The following DNAAF8 variants were observed in gnomAD, a reference collection of about 807,000 sequenced individuals.
The protein encoded by DNAAF8 is dynein axonemal-associated protein 1.
Under a neutral mutation model 54.6 loss-of-function variants are expected in DNAAF8, and 61 were observed. That is an observed-to-expected ratio of 1.12 (90% CI 0.91 to 1.38). The LOEUF (loss-of-function observed/expected upper bound fraction) is 1.38, where lower values mean the gene tolerates loss of function less well. Ranked by LOEUF, DNAAF8 falls within the 40% of genes most tolerant of loss-of-function variation. DNAAF8 has a pLI of 0.00. For missense variants in DNAAF8, 837 were observed against 665.0 expected (o/e 1.26, Z -2.85); for synonymous variants, 320 against 270.1 (o/e 1.18, Z -1.81).
intron 3 of DNAAF8, among the ~76,000 whole-genome samples, chr16:4,739,265 G>GTTATTTTTTTTTTTTTTTTTTTTTTT (rs2081931435): frequency 1.4e-5 from 1 of 69,030 alleles, no homozygotes; most frequent in East Asian, 5.6e-4. Flanking sequence ...ATTTTTTCTT[G>GTTATTTTTTTTTTTTTTTTTTTTTTT]TTTTTTTTTT....
Position 4,734,657 on chromosome 16 carries a change from G to C in DNAAF8, c.-93G>C, listed in dbSNP as rs1386385364. ...AGTGACGCGCTGGAGGCTGTTTATA[G>C]CGCTGTCAGGACAGCGCGGGGAGTG... On this transcript the variant is annotated 5_prime_UTR_variant, in exon 1 of 10. Coordinates refer to ENST00000299320, the MANE Select transcript of DNAAF8 (RefSeq NM_139170.3). 1 of 152,318 alleles carries C rather than the reference G, an allele frequency of 6.6e-6. No individual in the cohort carries two copies. Among genetic ancestry groups the C allele is most frequent in the African/African-American group, 2.4e-5 (1 of 41,448 alleles). The allele number at this position is 152,318 out of a possible 1,614,324, so 9.4% of individuals were successfully genotyped here.
At chr16:4,741,729 A>G (rs770635966) in intron 4 of DNAAF8, among the ~76,000 whole-genome samples, 4 of 151,748 alleles carry the variant, frequency 2.6e-5, no homozygotes, top group African/African-American at 4.8e-5. Context: ...AACCCAGGAG[A>G]TGGGGATCAC....
intron 3 of DNAAF8, among the ~76,000 whole-genome samples, chr16:4,739,265 G>GTTTTTTTTTTTTTTTTTTTTGT (rs2081932331): frequency 1.4e-5 from 1 of 69,030 alleles, no homozygotes; most frequent in Admixed American, 2.3e-4. Flanking sequence ...ATTTTTTCTT[G>GTTTTTTTTTTTTTTTTTTTTGT]TTTTTTTTTT....
At chr16:4,743,586 C>G (rs11865675) in intron 5 of DNAAF8, 6,911 of 159,570 alleles carry the variant, frequency 0.043, 524 homozygotes, top group African/African-American at 0.16. Context: ...GATGTCACCA[C>G]TGTCACTACA....
chr16:4,744,364 C>A (rs1472504645), intron 5 of DNAAF8, among the ~76,000 whole-genome samples: 2 of 152,162 alleles, frequency 1.3e-5, no homozygotes, highest in Non-Finnish European at 2.9e-5. Flanking sequence ...GTTTAAAAAT[C>A]TGAAAAGCTG....
rs2081950430 is a variant in DNAAF8, at chr16:4,740,583, A to C, written c.707A>C (p.His236Pro). 6.2e-7 allele frequency: 1 copy of C among 1,613,396 alleles called. No homozygotes were observed. Among genetic ancestry groups the C allele is most frequent in the Non-Finnish European group, 8.5e-7 (1 of 1,180,008 alleles). Residue 236 changes from histidine (H) to proline (P), a missense_variant, in exon 4 of 10, where the codon CAC (histidine) becomes CCC (proline). Coordinates refer to ENST00000299320, the MANE Select transcript of DNAAF8 (RefSeq NM_139170.3). ...DKGGVKEAPC[H>P]AAESAPRSKM... is the part of the protein sequence containing the mutation. ...GGTGGGGTGAAGGAGGCGCCCTGCC[A>C]CGCTGCGGAGTCAGCTCCCAGATCC...
intron 5 of DNAAF8, 131 bp downstream of exon 5, chr16:4,743,291 G>A (rs954901195): frequency 1.9e-5 from 12 of 621,706 alleles, no homozygotes; most frequent in East Asian, 9.1e-5. Flanking sequence ...TGCTGGCCCC[G>A]CCCTAAACAC....
intron 4 of DNAAF8, among the ~76,000 whole-genome samples, chr16:4,740,977 C>T (rs1053267494): frequency 2.0e-4 from 30 of 151,520 alleles, no homozygotes; most frequent in African/African-American, 6.8e-4. Flanking sequence ...AGTTCAAGAC[C>T]ATCCTGGTCA....
In DNAAF8 at chr16:4,740,200, G is replaced by GAACA; in HGVS notation, c.325_328dup (p.Thr110LysfsTer20). 1 of 1,614,026 alleles carries GAACA rather than the reference G, an allele frequency of 6.2e-7. No homozygotes were observed. Among genetic ancestry groups the GAACA allele is most frequent in the Non-Finnish European group, 8.5e-7 (1 of 1,179,936 alleles). ...TGGCCACAGAACCTGGGTGCAGACA[G>GAACA]AACACAAGGACAAAGGATGCATCCT... is the stretch of plus-strand genomic sequence containing the variant. On this transcript the variant is annotated frameshift_variant, in exon 4 of 10. Coordinates refer to ENST00000299320, the MANE Select transcript of DNAAF8 (RefSeq NM_139170.3). LOFTEE classifies it high-confidence loss of function.
chr16:4,738,690 C>T (rs1403110668), intron 3 of DNAAF8, among the ~76,000 whole-genome samples: 1 of 152,172 alleles, frequency 6.6e-6, no homozygotes, highest in Non-Finnish European at 1.5e-5. Flanking sequence ...TGAGACCAGC[C>T]TGGCCAACAT....
intron 5 of DNAAF8, chr16:4,743,370 G>A (rs928517201): frequency 1.5e-5 from 7 of 464,716 alleles, no homozygotes; most frequent in African/African-American, 4.2e-5. Context: ...CGTGCCAGGC[G>A]TGGGCCAGGT....
Position 4,740,665 on chromosome 16 carries a change from C to T in DNAAF8, c.783+6C>T, listed in dbSNP as rs774061434. On this transcript the variant is annotated splice_donor_region_variant and intron_variant, in intron 4 of 9. Coordinates refer to ENST00000299320, the MANE Select transcript of DNAAF8 (RefSeq NM_139170.3). The stretch of plus-strand genomic sequence containing the variant: ...CACCAGTGCTCTCGCTCCAGGTAGG[C>T]GCCTCCCCGTGCCTGGCTGTTTCTC... 17 of 1,579,100 alleles carry T rather than the reference C, an allele frequency of 1.1e-5. No homozygotes were observed. Among genetic ancestry groups the T allele is most frequent in the Middle Eastern group, 1.8e-4 (1 of 5,664 alleles).
Position 4,746,919 on chromosome 16 carries a change from C to T in DNAAF8, c.1182-8C>T, listed in dbSNP as rs957233364. The T allele has an allele frequency of 3.9e-6, 6 of 1,544,678 alleles. No homozygotes were observed. Among genetic ancestry groups the T allele is most frequent in the African/African-American group, 1.4e-5 (1 of 71,936 alleles). ...GGCACATCCAGAAACCCATTTCTCT[C>T]CCTGCAGCTCCAGCCACAGCTCCTC... On this transcript the variant is annotated splice_region_variant and splice_polypyrimidine_tract_variant and intron_variant, in intron 7 of 9. Transcript: ENST00000299320.
rs2075468 is a variant in DNAAF8 at position 4,737,530 on chromosome 16, G to C, written c.130-270G>C. ...TAATGAAGCACCTGCTGTATGCGAG[G>C]TACTTGCAGAACCAGGAGCCCCAGT... On this transcript the variant is annotated intron_variant, in intron 2 of 9. Transcript: ENST00000299320. 0.02 allele frequency among the ~76,000 whole-genome samples: 2,994 copies of C among 152,256 alleles called. 232 individuals carry two copies. In the East Asian group the frequency reaches 0.21, roughly 11 times the overall value.
Position 4,740,637 on chromosome 16 carries a change from G to T in DNAAF8, c.761G>T (p.Gly254Val). 1 of 1,605,738 alleles carries T rather than the reference G, an allele frequency of 6.2e-7. No homozygotes were observed. The highest frequency in any genetic ancestry group is 8.5e-7 in the Non-Finnish European group (1 of 1,178,210). Residue 254 changes from glycine (G) to valine (V), a missense_variant, in exon 4 of 10, where the codon GGA (glycine) becomes GTA (valine). Coordinates refer to ENST00000299320, the MANE Select transcript of DNAAF8 (RefSeq NM_139170.3). The part of the protein sequence containing the change: ...SKMPLVEPPE[G>V]PPVLSLQQLE... ...ATGCCCCTCGTGGAGCCTCCGGAGG[G>T]ACCACCAGTGCTCTCGCTCCAGGTA... is the stretch of plus-strand genomic sequence containing the variant.
intron 5 of DNAAF8, chr16:4,743,615 G>A (rs566714047): frequency 6.5e-6 from 1 of 152,886 alleles, no homozygotes; most frequent in African/African-American, 2.4e-5. Flanking sequence ...TTTGCTCTGG[G>A]AAGTCCTGCA....
At chr16:4,736,706 C>T in intron 2 of DNAAF8, 63 bp downstream of exon 2, 1 of 1,402,980 alleles carries the variant, frequency 7.1e-7, no homozygotes, top group Non-Finnish European at 9.5e-7. Context: ...TGACGCTGGC[C>T]AGGACAGCTT....
In DNAAF8 at chr16:4,747,557, G is replaced by C; in HGVS notation, c.1495G>C (p.Ala499Pro). Residue 499 changes from alanine to proline, a missense_variant, in exon 9 of 10, where the codon GCC becomes CCC. Transcript: ENST00000299320. ...QARLPRGRPR[A>P]LGDVPEPGAA... ...TCGACTCCCAAGAGGCAGGCCCAGA[G>C]CCCTGGGGGATGTTCCTGAGCCAGG... is the stretch of plus-strand genomic sequence containing the variant. 1 of 1,612,196 alleles carries C rather than the reference G, an allele frequency of 6.2e-7. No homozygotes were observed. Among genetic ancestry groups the C allele is most frequent in the Admixed American group, 1.7e-5 (1 of 59,926 alleles).
At chr16:4,737,743 G>A (rs2081914351) in intron 2 of DNAAF8, 57 bp from the exon 3 acceptor site, 2 of 1,590,124 alleles carry the variant, frequency 1.3e-6, no homozygotes, top group African/African-American at 1.3e-5. Context: ...GGGTGGCTAG[G>A]CCCTCAGGGC....
Sources: gnomAD v4.1 joint callset for allele counts (sites outside exome capture counted in the v4.1 genomes callset) on GRCh38, gnomAD v4.1.1 for gene constraint, MANE v1.5 for transcripts, NCBI Gene and HGNC (gene_info 2026-07-23, HGNC 2026-07-21) for gene names.